Variants in BLM observed in about 807,000 individuals in gnomAD.
BLM encodes recQ-like DNA helicase BLM.
In BLM, 95 loss-of-function variants were observed where a neutral mutation model predicts 135.3. That is an observed-to-expected ratio of 0.70 (90% CI 0.59 to 0.83). The LOEUF is 0.83. Among genes scored for constraint, BLM ranks in the 40% least tolerant of loss-of-function variants. BLM has a pLI of 0.00. For synonymous variants in BLM, 520 were observed against 589.2 expected (o/e 0.88, Z 1.70); for missense variants, 1,518 against 1,663.9 (o/e 0.91, Z 1.53).
At chr15:90,805,508 G>C (rs1011511183) in intron 19 of BLM, among the ~76,000 whole-genome samples, 1 of 151,818 alleles carries the variant, frequency 6.6e-6, no homozygotes, top group Non-Finnish European at 1.5e-5. Flanking sequence ...ACAATGATCT[G>C]GCCGGACACG....
At chr15:90,809,861 G>T (rs1052765916) in intron 20 of BLM, among the ~76,000 whole-genome samples, 1 of 152,026 alleles carries the variant, frequency 6.6e-6, no homozygotes, top group East Asian at 1.9e-4. Flanking sequence ...TTGACCTGGG[G>T]GAAATGAGAA....
chr15:90,760,288 A>G lies in BLM; in HGVS notation c.1220+9A>G, dbSNP rs775121844. 8 of 1,613,914 alleles carry G rather than the reference A, an allele frequency of 5.0e-6. No homozygotes were observed. Among genetic ancestry groups the G allele is most frequent in the African/African-American group, 1.3e-5 (1 of 74,992 alleles). Reference sequence around the variant, plus strand: ...CAGCAGCGGAACATAAGGTATCTTAATTTTCCCCCTTCTGGAATATATCTG... The same window carrying G: ...CAGCAGCGGAACATAAGGTATCTTAGTTTTCCCCCTTCTGGAATATATCTG... On this transcript the variant is annotated intron_variant, in intron 6 of 21. Transcript: ENST00000355112.
intron 12 of BLM, among the ~76,000 whole-genome samples, chr15:90,776,475 T>C (rs1896479810): frequency 6.6e-6 from 1 of 152,198 alleles, no homozygotes; most frequent in African/African-American, 2.4e-5. Flanking sequence ...TATGATATTT[T>C]TGACAAAATA....
intron 18 of BLM, 63 bp from the exon 19 acceptor site, chr15:90,804,104 A>C: frequency 6.8e-7 from 1 of 1,466,730 alleles, no homozygotes; most frequent in South Asian, 1.2e-5. Context: ...CATTAAATAA[A>C]GCCCCTGTAT....
intron 2 of BLM, chr15:90,747,746 T>A (rs28384977): frequency 2.5e-6 from 1 of 404,972 alleles, no homozygotes; most frequent in East Asian, 4.4e-5. Context: ...ATAATTGATC[T>A]TGTAAATTTG....
intron 1 of BLM, among the ~76,000 whole-genome samples, chr15:90,721,576 G>T (rs911808266): frequency 3.9e-5 from 6 of 151,958 alleles, no homozygotes; most frequent in African/African-American, 1.4e-4. Flanking sequence ...ACCCACTTTG[G>T]CTTCCCAAAG....
chr15:90,773,610 A>C (rs1896389629), intron 12 of BLM, among the ~76,000 whole-genome samples: 1 of 147,842 alleles, frequency 6.8e-6, no homozygotes, highest in East Asian at 2.0e-4. Flanking sequence ...GGGAGAGTAT[A>C]CCCATTAGCA....
chr15:90,799,872 A>T (rs1897124271), intron 17 of BLM, among the ~76,000 whole-genome samples: 1 of 152,142 alleles, frequency 6.6e-6, no homozygotes, highest in African/African-American at 2.4e-5. Flanking sequence ...CTTATATACC[A>T]TCTTAATAGA....
chr15:90,764,261 G>A (rs1290508088), intron 8 of BLM, among the ~76,000 whole-genome samples: 3 of 147,698 alleles, frequency 2.0e-5, no homozygotes, highest in African/African-American at 7.4e-5. Context: ...TATATAATAT[G>A]TATATTGTAT....
In BLM at chr15:90,816,133, G is replaced by T. The variant is rs1362608952; in HGVS notation, c.*854G>T. On this transcript the variant is annotated 3_prime_UTR_variant, in exon 22 of 22. Transcript: ENST00000355112. Reference sequence around the variant, plus strand: ...CATGCTCTGCAAATATGTGAAAAAGGTCAATCTCCATGAATAAAAATATGA... The same window carrying T: ...CATGCTCTGCAAATATGTGAAAAAGTTCAATCTCCATGAATAAAAATATGA... 1 of 151,462 alleles carries T rather than the reference G, an allele frequency of 6.6e-6. No homozygotes were observed. Among genetic ancestry groups the T allele is most frequent in the African/African-American group, 2.4e-5 (1 of 41,288 alleles). The allele number at this position is 151,462 out of a possible 1,614,324, so 9.4% of individuals were successfully genotyped here.
At chr15:90,797,787 G>A (rs1000835856) in intron 16 of BLM, among the ~76,000 whole-genome samples, 15 of 152,286 alleles carry the variant, frequency 9.8e-5, no homozygotes, top group African/African-American at 3.1e-4. Flanking sequence ...TGAAAAGAGC[G>A]TTGACTATGG....
intron 10 of BLM, among the ~76,000 whole-genome samples, chr15:90,768,166 C>G (rs1296648155): frequency 6.6e-6 from 1 of 152,158 alleles, no homozygotes; most frequent in Non-Finnish European, 1.5e-5. Flanking sequence ...TGGTCTCAAA[C>G]TCCTGACCTC....
chr15:90,761,290 A>T (rs1895981946), intron 7 of BLM, 35 bp downstream of exon 7: 5 of 1,396,354 alleles, frequency 3.6e-6, no homozygotes, highest in Non-Finnish European at 4.8e-6. Flanking sequence ...TTATATGAAA[A>T]CAAAACTGTC....
chr15:90,754,926 A>G lies in BLM; in HGVS notation c.1075A>G (p.Thr359Ala), dbSNP rs1332024999. 1 of 1,613,834 alleles carries G rather than the reference A, an allele frequency of 6.2e-7. No individual in the cohort carries two copies. The change falls in exon 5 of 22, where the codon ACA (threonine) becomes GCA (alanine). Residue 359 changes from threonine (T) to alanine (A), a missense_variant. By Grantham distance (58) the Thr-to-Ala change is moderately conservative (BLOSUM62 0). Transcript: ENST00000355112. Reference sequence around the variant, plus strand: ...GCAGGAGCTGAATCCAGAAACCAGCACAGACTGTGACGGTACAAGCAATAT... The same window carrying G: ...GCAGGAGCTGAATCCAGAAACCAGCGCAGACTGTGACGGTACAAGCAATAT... Reference protein sequence around the residue: ...SMQELNPETSTDCDARQISLQ... With the variant: ...SMQELNPETSADCDARQISLQ...
At chr15:90,731,344 G>T (rs7184015) in intron 1 of BLM, among the ~76,000 whole-genome samples, 58,064 of 152,052 alleles carry the variant, frequency 0.38, 13,720 homozygotes, top group African/African-American at 0.67. Flanking sequence ...TTTTCACTGA[G>T]GAGTTGCCCT....
intron 5 of BLM, among the ~76,000 whole-genome samples, chr15:90,757,989 C>T (rs1895864548): frequency 6.6e-6 from 1 of 151,492 alleles, no homozygotes; most frequent in Admixed American, 6.6e-5. Context: ...TCAAGTGATT[C>T]TCCTGCCTCA....
chr15:90,766,304 C>T, intron 9 of BLM, among the ~76,000 whole-genome samples: 1 of 151,910 alleles, frequency 6.6e-6, no homozygotes, highest in Non-Finnish European at 1.5e-5. Context: ...AAAAAAGATG[C>T]CATACAGTAG....
intron 1 of BLM, among the ~76,000 whole-genome samples, chr15:90,728,627 A>T (rs969442231): frequency 6.6e-6 from 1 of 151,240 alleles, no homozygotes; most frequent in African/African-American, 2.4e-5. Flanking sequence ...GCTGGTCTCG[A>T]ACTCCTGACC....
At chr15:90,766,787 G>T (rs975309800) in intron 9 of BLM, 123 bp from the exon 10 acceptor site, 11 of 664,704 alleles carry the variant, frequency 1.7e-5, no homozygotes, top group Non-Finnish European at 2.6e-5. Context: ...GTTATGTTGA[G>T]ATATGTATTT....
Sources: gnomAD v4.1 joint callset for allele counts (sites outside exome capture counted in the v4.1 genomes callset) on GRCh38, gnomAD v4.1.1 for gene constraint, MANE v1.5 for transcripts, NCBI Gene and HGNC (gene_info 2026-07-23, HGNC 2026-07-21) for gene names.